Variants in PLEKHO1 observed in about 807,000 individuals in gnomAD.
The protein encoded by PLEKHO1 is pleckstrin homology domain-containing family O member 1.
PLEKHO1 carries 22 observed loss-of-function variants against 41.4 expected under a neutral mutation model. That is an observed-to-expected ratio of 0.53 (90% CI 0.38 to 0.76). The LOEUF is 0.76. PLEKHO1 is among the 30% of genes least tolerant of loss of function. The probability of loss-of-function intolerance (pLI) is 0.00; values close to 1 mark genes in which losing one functional copy is unlikely to be tolerated. For missense variants in PLEKHO1, 488 were observed against 518.3 expected, an observed-to-expected ratio of 0.94 and a Z score of 0.57; for synonymous variants, 225 against 210.8, an observed-to-expected ratio of 1.07 and a Z score of -0.58.
intron 4 of PLEKHO1, 74 bp from the exon 5 acceptor site, chr1:150,157,311 T>C: frequency 8.9e-7 from 1 of 1,120,622 alleles, no homozygotes; most frequent in Non-Finnish European, 1.4e-6. Flanking sequence ...TGGGCACATG[T>C]TCAGGCCTCG....
At chr1:150,155,384 A>T (rs930994509) in intron 2 of PLEKHO1, 2 of 152,252 alleles carry the variant, frequency 1.3e-5, no homozygotes, top group Non-Finnish European at 2.9e-5. Flanking sequence ...ACAGTACCTT[A>T]GAGGGAGGAG....
chr1:150,157,947 T>G (rs1553820782), intron 5 of PLEKHO1, among the ~76,000 whole-genome samples: 1 of 152,166 alleles, frequency 6.6e-6, no homozygotes. Flanking sequence ...AGAACCTGAG[T>G]TGGAACCTCA....
intron 5 of PLEKHO1, among the ~76,000 whole-genome samples, chr1:150,158,345 A>C (rs1395540292): frequency 6.6e-6 from 1 of 152,204 alleles, no homozygotes; most frequent in African/African-American, 2.4e-5. Flanking sequence ...TCAAGTCACT[A>C]TCAAAGGAAT....
At chr1:150,156,023 T>C in intron 2 of PLEKHO1, 43 bp from the exon 3 acceptor site, 2 of 1,575,386 alleles carry the variant, frequency 1.3e-6, no homozygotes, top group Non-Finnish European at 1.7e-6. Context: ...GTGGAGGGGC[T>C]AAATAATTTT....
chr1:150,150,656 G>A (rs1484619633), intron 1 of PLEKHO1: 3 of 466,616 alleles, frequency 6.4e-6, no homozygotes, highest in East Asian at 4.1e-5. Flanking sequence ...GGGAACCTGG[G>A]AGCCTCTCCG....
At chr1:150,152,162 C>T (rs1553819188) in intron 2 of PLEKHO1, among the ~76,000 whole-genome samples, 1 of 152,122 alleles carries the variant, frequency 6.6e-6, no homozygotes, top group African/African-American at 2.4e-5. Context: ...CACACACACA[C>T]CCTGAGACAA....
intron 2 of PLEKHO1, chr1:150,154,232 G>C (rs1015372774): frequency 2.0e-5 from 3 of 152,348 alleles, no homozygotes; most frequent in Non-Finnish European, 2.9e-5. Context: ...TGGAGAAGGA[G>C]GGGGAGAGGA....
rs1553821259 is a variant in PLEKHO1 at position 150,159,018 on chromosome 1, G to A, written c.725G>A (p.Arg242Gln). ...PSADRASSLS[R>Q]PWEKTDKGAT... The stretch of plus-strand genomic sequence containing the variant: ...GCAGACCGGGCAAGCAGTCTCTCCC[G>A]ACCTTGGGAAAAAACAGACAAAGGG... Residue 242 changes from arginine to glutamine, a missense_variant, in exon 6 of 6, where the codon CGA (arginine) becomes CAA (glutamine). Arg to Gln is a conservative substitution (Grantham distance 43). This residue lies in a region of PLEKHO1 where 337 missense variants were observed against 324.6 expected (regional missense o/e 1.04). Coordinates refer to ENST00000369124, the MANE Select transcript of PLEKHO1 (RefSeq NM_016274.6). 2.5e-6 allele frequency: 4 copies of A among 1,614,000 alleles called. No individual in the cohort carries two copies. The highest frequency in any genetic ancestry group is 3.4e-6 in the Non-Finnish European group (4 of 1,179,974).
Position 150,159,508 on chromosome 1 carries a change from G to A in PLEKHO1, c.1215G>A (p.Arg405=). The A allele has an allele frequency of 6.2e-7, 1 of 1,603,106 alleles. No individual in the cohort carries two copies. Among genetic ancestry groups the A allele is most frequent in the East Asian group, 2.2e-5 (1 of 44,642 alleles). Residue 405 remains arginine (R), a synonymous_variant, in exon 6 of 6, where the codon CGG becomes CGA. Transcript: ENST00000369124. ...LRQTTPHSQY[R]KSLM is the part of the protein sequence containing the mutation. ...AGACCACCCCGCACAGTCAGTACCGGAAGAGCCTGATGTGAGGGCAGGGTG... is the reference window on the plus strand; with the variant it reads ...AGACCACCCCGCACAGTCAGTACCGAAAGAGCCTGATGTGAGGGCAGGGTG...
At chr1:150,157,045 G>T in intron 4 of PLEKHO1, 30 bp downstream of exon 4, 4 of 1,377,050 alleles carry the variant, frequency 2.9e-6, no homozygotes, top group South Asian at 1.2e-5. Flanking sequence ...GGAGAGGGAG[G>T]AACGCTGGGG....
chr1:150,156,790 A>C (rs1177365850), intron 3 of PLEKHO1, 121 bp from the exon 4 acceptor site: 9 of 693,106 alleles, frequency 1.3e-5, no homozygotes, highest in Non-Finnish European at 2.4e-5. Context: ...CTGGAAGCAG[A>C]ATATCTCTCC....
intron 4 of PLEKHO1, 179 bp from the exon 5 acceptor site, chr1:150,157,206 C>T: frequency 1.4e-6 from 1 of 703,726 alleles, no homozygotes; most frequent in Non-Finnish European, 2.6e-6. Context: ...CTCCTCTTCC[C>T]CGCTTCATGA....
intron 2 of PLEKHO1, 118 bp downstream of exon 2, chr1:150,151,176 CCT>C: frequency 9.8e-7 from 1 of 1,023,552 alleles, no homozygotes; most frequent in Admixed American, 2.1e-5. Context: ...TCAGTGGTCT[CCT>C]CTCTACCCCC....
In PLEKHO1 at chr1:150,150,207, C is replaced by G; in HGVS notation, c.-51C>G. On this transcript the variant is annotated 5_prime_UTR_variant, in exon 1 of 6. Coordinates refer to ENST00000369124, the MANE Select transcript of PLEKHO1 (RefSeq NM_016274.6). ...AGCCCCCGCGGTGCCGCCGAGGCCC[C>G]GACGCGGGGCCGCCCCTCGGCTCGC... 1.0e-6 allele frequency: 1 copy of G among 979,696 alleles called. No individual in the cohort carries two copies. The highest frequency in any genetic ancestry group is 1.2e-6 in the Non-Finnish European group (1 of 816,812). The allele number at this position is 979,696 out of a possible 1,614,324, so 60.7% of individuals were successfully genotyped here.
At chr1:150,153,612 G>A (rs1267433680) in intron 2 of PLEKHO1, 2 of 152,040 alleles carry the variant, frequency 1.3e-5, no homozygotes, top group Non-Finnish European at 2.9e-5. Flanking sequence ...TAAAGGCAGG[G>A]TCTCCCACAA....
intron 2 of PLEKHO1, among the ~76,000 whole-genome samples, chr1:150,152,594 G>A (rs367833198): frequency 8.1e-5 from 12 of 148,992 alleles, no homozygotes; most frequent in African/African-American, 3.0e-4. Flanking sequence ...TGAGCCAACC[G>A]TGCCTGGCCA....
intron 1 of PLEKHO1, 77 bp downstream of exon 1, chr1:150,150,364 G>T: frequency 1.4e-6 from 1 of 729,966 alleles, no homozygotes; most frequent in Non-Finnish European, 1.7e-6. Flanking sequence ...CGCCGCGGCG[G>T]CCTGGGAGAC....
chr1:150,157,342 G>A lies in PLEKHO1; in HGVS notation c.424-43G>A, dbSNP rs782763763. On this transcript the variant is annotated intron_variant, in intron 4 of 5. Coordinates refer to ENST00000369124, the MANE Select transcript of PLEKHO1 (RefSeq NM_016274.6). ...CCTCGGGATGCTGGGTTGGGACAGC[G>A]AGTCGCTGAAGAGCACTCATGATTC... The A allele has an allele frequency of 2.3e-5, 33 of 1,432,028 alleles. No individual in the cohort carries two copies. In the Admixed American group the frequency reaches 4.4e-4, roughly 19 times the overall value. 88.7% of individuals were successfully genotyped at this position (1,432,028 alleles called of 1,614,324 possible). A position where few individuals can be genotyped will look rare whatever the true frequency, so the allele number is the denominator to read the frequency against.
At chr1:150,151,100 C>T (rs1167478074) in intron 2 of PLEKHO1, 42 bp downstream of exon 2, 2 of 1,609,736 alleles carry the variant, frequency 1.2e-6, no homozygotes, top group Non-Finnish European at 1.7e-6. Context: ...TCTCATAGCC[C>T]CCACTTTGTC....
Sources: gnomAD v4.1 joint callset for allele counts (sites outside exome capture counted in the v4.1 genomes callset) on GRCh38, gnomAD v4.1.1 for gene constraint, gnomAD v4.1.1 regional missense constraint, MANE v1.5 for transcripts, NCBI Gene and HGNC (gene_info 2026-07-23, HGNC 2026-07-21) for gene names.